Variants in CACNA2D2 observed in about 807,000 individuals in gnomAD.
CACNA2D2 encodes the protein calcium voltage-gated channel auxiliary subunit alpha2delta 2.
CACNA2D2 carries 48 observed loss-of-function variants against 166.4 expected under a neutral mutation model. The observed-to-expected ratio is 0.29, with a 90% CI of 0.23 to 0.37. CACNA2D2 has a LOEUF of 0.37. Among genes scored for constraint, CACNA2D2 ranks in the 10% least tolerant of loss-of-function variants. The pLI is 1.00. For synonymous variants in CACNA2D2, 561 were observed against 573.7 expected, an observed-to-expected ratio of 0.98 and a Z score of 0.32; for missense variants, 1,122 against 1,433.0, an observed-to-expected ratio of 0.78 and a Z score of 3.50.
intron 3 of CACNA2D2, among the ~76,000 whole-genome samples, chr3:50,425,719 G>A (rs1284679061): frequency 1.3e-5 from 2 of 152,110 alleles, no homozygotes; most frequent in East Asian, 3.8e-4. Context: ...TGGGACCCCC[G>A]GAGAAGTGGG....
chr3:50,363,613 C>T lies in CACNA2D2; in HGVS notation c.*1053G>A. The T allele has an allele frequency of 4.2e-6, 1 of 237,754 alleles. No homozygotes were observed. The allele number at this position is 237,754 out of a possible 1,614,324, so 14.7% of individuals were successfully genotyped here. On this transcript the variant is annotated 3_prime_UTR_variant, in exon 38 of 38. Transcript: ENST00000424201. ...GGGCCAGATTGGCGGAAGGATGGCC[C>T]AGCCAGGAGAGACAAAGTCACCCCT...
chr3:50,367,183 C>G lies in CACNA2D2; in HGVS notation c.2402-74G>C. On this transcript the variant is annotated intron_variant, in intron 27 of 37. Transcript: ENST00000424201. This position sits in a 1 kb window ranked among gnomAD's most constrained non-coding sequence, Gnocchi z 6.5. ...ACCACTCTATGCTGGGTCCTACAAA[C>G]CCAGCAGTCCAATCCCGGGATGACT... 1 of 1,203,730 alleles carries G rather than the reference C, an allele frequency of 8.3e-7. No homozygotes were observed. The highest frequency in any genetic ancestry group is 1.2e-6 in the Non-Finnish European group (1 of 825,056). The allele number at this position is 1,203,730 out of a possible 1,614,324, so 74.6% of individuals were successfully genotyped here.
Position 50,366,466 on chromosome 3 carries a change from G to A in CACNA2D2, c.2637+112C>T, listed in dbSNP as rs752267412. ...GTCCTGGGAAGGCTGTGAAGTCAGG[G>A]TGGGGATGTTGAGACCCACAGGCCA... On this transcript the variant is annotated intron_variant, in intron 30 of 37. Coordinates refer to ENST00000424201, the MANE Select transcript of CACNA2D2 (RefSeq NM_006030.4). The surrounding 1 kb of genome is among the most constrained non-coding windows in gnomAD (Gnocchi z 5.9). 2.7e-6 allele frequency: 4 copies of A among 1,467,986 alleles called. No homozygotes were observed. The Admixed American group carries it at 6.8e-5, about 25-fold the overall frequency. The allele number at this position is 1,467,986 out of a possible 1,614,324, so 90.9% of individuals were successfully genotyped here.
rs1489352006 is a variant in CACNA2D2, at chr3:50,376,520, CCT to C, written c.1627-334_1627-333del. On this transcript the variant is annotated intron_variant, in intron 17 of 37. Transcript: ENST00000424201. This position sits in a 1 kb window ranked among gnomAD's most constrained non-coding sequence, Gnocchi z 4.3. ...CCCACAGGTCTGCTGCTTCTGTACC[CCT>C]GTGGCCCTCCTCTAGCCACTACTGC... 6.6e-6 allele frequency among the ~76,000 whole-genome samples: 1 copy of C among 152,218 alleles called. No individual in the cohort carries two copies. Among genetic ancestry groups the C allele is most frequent in the Non-Finnish European group, 1.5e-5 (1 of 68,036 alleles).
chr3:50,400,089 C>T lies in CACNA2D2; in HGVS notation c.406-5921G>A, dbSNP rs921004115. 2.6e-5 allele frequency among the ~76,000 whole-genome samples: 4 copies of T among 152,246 alleles called. 1 individual carries two copies. Among genetic ancestry groups the T allele is most frequent in the African/African-American group, 9.6e-5 (4 of 41,464 alleles). The stretch of plus-strand genomic sequence containing the variant: ...CAGATAGATACTAAATACAGATTTC[C>T]AATTTCCAGAGCTGTTATGGTCTAA... On this transcript the variant is annotated intron_variant, in intron 3 of 37. Transcript: ENST00000424201.
intron 1 of CACNA2D2, among the ~76,000 whole-genome samples, chr3:50,496,582 T>G (rs1453961789): frequency 6.6e-6 from 1 of 152,100 alleles, no homozygotes; most frequent in Non-Finnish European, 1.5e-5. Context: ...GCACTTGGAG[T>G]GCAGGCCCAG....
intron 1 of CACNA2D2, among the ~76,000 whole-genome samples, chr3:50,492,703 C>T (rs1405945918): frequency 6.6e-6 from 1 of 152,098 alleles, no homozygotes; most frequent in Admixed American, 6.5e-5. Context: ...CGCCACAGGC[C>T]GAGTGAGAAA....
Position 50,377,457 on chromosome 3 carries a change from G to GGAT in CACNA2D2, c.1626+7_1626+9dup. The GGAT allele has an allele frequency of 6.2e-7, 1 of 1,609,746 alleles. No individual in the cohort carries two copies. Among genetic ancestry groups the GGAT allele is most frequent in the Non-Finnish European group, 8.5e-7 (1 of 1,177,112 alleles). ...AGGCAGGGTACGCGGATGGGCAGGG[G>GGAT]GATGCTCACCGTGTAGTTGGGGGTC... On this transcript the variant is annotated intron_variant, in intron 17 of 37. Coordinates refer to ENST00000424201, the MANE Select transcript of CACNA2D2 (RefSeq NM_006030.4).
In CACNA2D2 at chr3:50,365,898, G is replaced by GC. The variant is rs1468902903; in HGVS notation, c.2863-37dup. ...GAGAGGGGCGTGGACTGCCACTGCTGCCCCTCGCCCTAGGTCACCCCCAGC... is the reference window on the plus strand; with the variant it reads ...GAGAGGGGCGTGGACTGCCACTGCTGCCCCCTCGCCCTAGGTCACCCCCAGC... On this transcript the variant is annotated intron_variant, in intron 32 of 37. Transcript: ENST00000424201. This position sits in a 1 kb window ranked among gnomAD's most constrained non-coding sequence, Gnocchi z 4.5. 1.4e-5 allele frequency: 22 copies of GC among 1,612,646 alleles called. No homozygotes were observed. Among genetic ancestry groups the GC allele is most frequent in the Non-Finnish European group, 1.6e-5 (19 of 1,179,808 alleles).
intron 1 of CACNA2D2, among the ~76,000 whole-genome samples, chr3:50,501,169 G>A (rs61018691): frequency 6.6e-6 from 1 of 152,078 alleles, no homozygotes; most frequent in East Asian, 1.9e-4. Flanking sequence ...CTTCTGGCCC[G>A]AACAACAGCC....
intron 2 of CACNA2D2, among the ~76,000 whole-genome samples, chr3:50,463,786 C>T (rs904690907): frequency 6.6e-6 from 1 of 152,246 alleles, no homozygotes; most frequent in Non-Finnish European, 1.5e-5. Context: ...GGACAGACAT[C>T]CTGTCCCAGG....
At position 50,376,788 on chromosome 3, in the gene CACNA2D2, G is replaced by C; in HGVS notation, c.1627-600C>G. ...AGGGGGGCTCAGGCTTAATGATGCT[G>C]TTGTACATACCACACCTCTCCCCCT... On this transcript the variant is annotated intron_variant, in intron 17 of 37. Coordinates refer to ENST00000424201, the MANE Select transcript of CACNA2D2 (RefSeq NM_006030.4). The surrounding 1 kb of genome is among the most constrained non-coding windows in gnomAD (Gnocchi z 4.3). Among the ~76,000 whole-genome samples, 1 of 152,286 alleles carries C rather than the reference G, an allele frequency of 6.6e-6. No individual in the cohort carries two copies. Among genetic ancestry groups the C allele is most frequent in the South Asian group, 2.1e-4 (1 of 4,824 alleles).
At position 50,476,161 on chromosome 3, in the gene CACNA2D2, T is replaced by A; in HGVS notation, c.245A>T (p.Asp82Val). The change falls in exon 2 of 38, where the codon GAC (aspartate) becomes GTC (valine). Residue 82 changes from aspartate to valine, a missense_variant. Asp to Val is a radical substitution (Grantham distance 152). Transcript: ENST00000424201. The stretch of plus-strand genomic sequence containing the variant: ...GCCTCCAAAAATCCGCATCACGCCG[T>A]CGACCTCCTGCTCCAGACGCCGGGC... ...HWARRLEQEV[D>V]GVMRIFGGVQ... The A allele has an allele frequency of 6.2e-7, 1 of 1,602,166 alleles. No homozygotes were observed. The highest frequency in any genetic ancestry group is 8.5e-7 in the Non-Finnish European group (1 of 1,175,068).
intron 2 of CACNA2D2, among the ~76,000 whole-genome samples, chr3:50,461,079 C>T (rs926726338): frequency 2.0e-5 from 3 of 152,080 alleles, no homozygotes; most frequent in African/African-American, 7.2e-5. Context: ...GAAAACATCC[C>T]ACAACTGAGG....
intron 2 of CACNA2D2, among the ~76,000 whole-genome samples, chr3:50,450,112 T>C (rs1003192464): frequency 2.6e-5 from 4 of 152,190 alleles, no homozygotes; most frequent in African/African-American, 7.2e-5. Flanking sequence ...AGTGGAGACT[T>C]AGGCCAACCT....
chr3:50,402,563 A>T (rs1706496763), intron 3 of CACNA2D2, among the ~76,000 whole-genome samples: 1 of 152,242 alleles, frequency 6.6e-6, no homozygotes, highest in Non-Finnish European at 1.5e-5. Context: ...GAGCCCAGCC[A>T]TATGAAGGCA....
At chr3:50,453,584 A>G (rs1440642265) in intron 2 of CACNA2D2, among the ~76,000 whole-genome samples, 1 of 152,178 alleles carries the variant, frequency 6.6e-6, no homozygotes, top group Non-Finnish European at 1.5e-5. Context: ...CATTACAGAT[A>G]AAGAAACTCT....
Position 50,363,463 on chromosome 3 carries a change from C to A in CACNA2D2, c.*1203G>T. On this transcript the variant is annotated 3_prime_UTR_variant, in exon 38 of 38. Coordinates refer to ENST00000424201, the MANE Select transcript of CACNA2D2 (RefSeq NM_006030.4). ...GGTGTGAAGAGCTGTGCCCAGTCCC[C>A]ACCTGTGTGTGTGTGTGTGTGTGTG... The A allele has an allele frequency of 2.7e-6, 1 of 367,014 alleles. No individual in the cohort carries two copies. 22.7% of individuals were successfully genotyped at this position (367,014 alleles called of 1,614,324 possible).
intron 2 of CACNA2D2, among the ~76,000 whole-genome samples, chr3:50,472,762 C>T (rs905738351): frequency 1.3e-5 from 2 of 152,156 alleles, no homozygotes; most frequent in Non-Finnish European, 2.9e-5. Context: ...TCCACATCCT[C>T]CCCACCCCCA....
Sources: gnomAD v4.1 joint callset for allele counts (sites outside exome capture counted in the v4.1 genomes callset) on GRCh38, gnomAD v4.1.1 for gene constraint, Gnocchi (gnomAD v3.1) non-coding constraint, MANE v1.5 for transcripts, NCBI Gene and HGNC (gene_info 2026-07-23, HGNC 2026-07-21) for gene names.